KLHDC8A: variants seen among roughly 807,000 people sequenced by gnomAD.
The protein encoded by KLHDC8A is kelch domain containing 8A, also known as kelch domain-containing protein 8A.
Under a neutral mutation model 33.1 loss-of-function variants are expected in KLHDC8A, and 21 were observed. That is an observed-to-expected ratio of 0.64 (90% CI 0.45 to 0.91). The LOEUF (loss-of-function observed/expected upper bound fraction) is 0.91, where lower values mean the gene tolerates loss of function less well. Among genes scored for constraint, KLHDC8A ranks in the 40% least tolerant of loss-of-function variants. KLHDC8A has a pLI of 0.00. For synonymous variants in KLHDC8A, 173 were observed against 193.5 expected (o/e 0.89, Z 0.88); for missense variants, 435 against 483.3 (o/e 0.90, Z 0.94).
chr1:205,339,497 C>T lies in KLHDC8A; in HGVS notation c.542-88G>A. On this transcript the variant is annotated intron_variant, in intron 3 of 5. Transcript: ENST00000367155. This position sits in a 1 kb window ranked among gnomAD's most constrained non-coding sequence, Gnocchi z 5.1. ...AAAGGGTTTCCCCTTTTGACAGTTA[C>T]TCATTCATACAGGAAGCTCCCGGTG... 1.4e-6 allele frequency: 2 copies of T among 1,433,816 alleles called. No individual in the cohort carries two copies. The highest frequency in any genetic ancestry group is 1.2e-5 in the South Asian group (1 of 81,030). 88.8% of individuals were successfully genotyped at this position (1,433,816 alleles called of 1,614,324 possible). A position where few individuals can be genotyped will look rare whatever the true frequency, so the allele number is the denominator to read the frequency against.
intron 1 of KLHDC8A, among the ~76,000 whole-genome samples, chr1:205,354,848 T>G (rs1394217303): frequency 6.6e-6 from 1 of 152,250 alleles, no homozygotes; most frequent in African/African-American, 2.4e-5. Context: ...AGTCAGGCAT[T>G]GCACTTGATA....
At chr1:205,343,900 G>T in intron 1 of KLHDC8A, 107 bp from the exon 2 acceptor site, 1 of 385,378 alleles carries the variant, frequency 2.6e-6, no homozygotes, top group East Asian at 5.1e-5. Flanking sequence ...AAGACGCGGC[G>T]GCGGAGGGCG....
At chr1:205,350,897 CCTT>C (rs1288461024) in intron 1 of KLHDC8A, among the ~76,000 whole-genome samples, 1 of 152,164 alleles carries the variant, frequency 6.6e-6, no homozygotes, top group Non-Finnish European at 1.5e-5. Context: ...AGCTGGCTCT[CCTT>C]CTGGCAGGCT....
chr1:205,353,916 C>T (rs998269658), intron 1 of KLHDC8A, among the ~76,000 whole-genome samples: 1 of 152,194 alleles, frequency 6.6e-6, no homozygotes, highest in Non-Finnish European at 1.5e-5. Flanking sequence ...GGAAACTCAC[C>T]AAAGCTATTA....
intron 1 of KLHDC8A, chr1:205,351,582 A>G (rs145063643): frequency 0.02 from 10,084 of 513,932 alleles, 251 homozygotes; most frequent in African/African-American, 0.055. Flanking sequence ...ACTTTTTGTT[A>G]AATAAACTTC....
Position 205,343,757 on chromosome 1 carries a change from C to A in KLHDC8A, c.-153G>T. 1 of 845,954 alleles carries A rather than the reference C, an allele frequency of 1.2e-6. No homozygotes were observed. Among genetic ancestry groups the A allele is most frequent in the Non-Finnish European group, 1.8e-6 (1 of 571,300 alleles). 52.4% of individuals were successfully genotyped at this position (845,954 alleles called of 1,614,324 possible). On this transcript the variant is annotated 5_prime_UTR_variant, in exon 2 of 6. Transcript: ENST00000367155. ...ACCCCGGCCAGTGCTTCACCGTGCC[C>A]CGAGTCTCAGCGGTCCGGCGGCGTC...
chr1:205,343,696 AC>A lies in KLHDC8A; in HGVS notation c.-93del. 7.4e-7 allele frequency: 1 copy of A among 1,355,486 alleles called. No individual in the cohort carries two copies. The highest frequency in any genetic ancestry group is 9.8e-7 in the Non-Finnish European group (1 of 1,017,932). 84.0% of individuals were successfully genotyped at this position (1,355,486 alleles called of 1,614,324 possible). On this transcript the variant is annotated 5_prime_UTR_variant, in exon 2 of 6. An upstream open reading frame in the 5' UTR gains an earlier in-frame stop. Transcript: ENST00000367155. Reference sequence around the variant, plus strand: ...GCCGGCTCCCACGGCCCCTATCGCCACCTCCATCTGGCTCCCGAGCGCCGGA... The same window carrying A: ...GCCGGCTCCCACGGCCCCTATCGCCACTCCATCTGGCTCCCGAGCGCCGGA...
At chr1:205,337,616 C>A (rs1243004763) in intron 5 of KLHDC8A, 24 bp from the exon 6 acceptor site, 2 of 1,581,186 alleles carry the variant, frequency 1.3e-6, no homozygotes, top group Admixed American at 1.7e-5. Flanking sequence ...GGGAATCAGA[C>A]CTTACAAAGG....
Position 205,356,748 on chromosome 1 carries a change from G to C in KLHDC8A, c.-405C>G. ...TGGCTGATCGACTGGGATGCAGCCA[G>C]GCCCCTATGCACAGGGCATGGGGCC... On this transcript the variant is annotated 5_prime_UTR_variant, in exon 1 of 6. Coordinates refer to ENST00000367155, the MANE Select transcript of KLHDC8A (RefSeq NM_018203.3). The C allele has an allele frequency of 2.7e-6, 1 of 374,384 alleles. No individual in the cohort carries two copies. The highest frequency in any genetic ancestry group is 5.4e-6 in the Non-Finnish European group (1 of 186,552). The allele number at this position is 374,384 out of a possible 1,614,324, so 23.2% of individuals were successfully genotyped here.
chr1:205,343,949 C>T (rs1662871998), intron 1 of KLHDC8A, among the ~76,000 whole-genome samples, 156 bp from the exon 2 acceptor site: 1 of 152,196 alleles, frequency 6.6e-6, no homozygotes, highest in East Asian at 1.9e-4. Flanking sequence ...CTGCTTGGTC[C>T]CCGCCCCCTC....
intron 1 of KLHDC8A, among the ~76,000 whole-genome samples, chr1:205,349,582 G>T (rs570672432): frequency 6.6e-6 from 1 of 152,228 alleles, no homozygotes; most frequent in Non-Finnish European, 1.5e-5. Flanking sequence ...TGTTTAGTGC[G>T]TGCGGGAAGG....
rs1662748349 is a variant in KLHDC8A, at chr1:205,339,990, C to T, written c.377-182G>A. 1 of 412,976 alleles carries T rather than the reference C, an allele frequency of 2.4e-6. No homozygotes were observed. Among genetic ancestry groups the T allele is most frequent in the Non-Finnish European group, 4.3e-6 (1 of 234,428 alleles). 25.6% of individuals were successfully genotyped at this position (412,976 alleles called of 1,614,324 possible). A position where few individuals can be genotyped will look rare whatever the true frequency, so the allele number is the denominator to read the frequency against. On this transcript the variant is annotated intron_variant, in intron 2 of 5. Transcript: ENST00000367155. This position sits in a 1 kb window ranked among gnomAD's most constrained non-coding sequence, Gnocchi z 5.1. The stretch of plus-strand genomic sequence containing the variant: ...AAAGAAGTTCCTGCTATAGCTAAGC[C>T]TGAGAGTCTGTTTCTTTTTTTTTAT...
intron 2 of KLHDC8A, among the ~76,000 whole-genome samples, chr1:205,341,270 G>A (rs966748748): frequency 3.9e-5 from 6 of 152,094 alleles, no homozygotes; most frequent in African/African-American, 1.2e-4. Context: ...CCAGCAGCCA[G>A]TCCTCAATGC....
rs3210952 is a variant in KLHDC8A at position 205,337,462 on chromosome 1, G to T, written c.990C>A (p.Ala330=). ...SSIVVKNCLL[A]VGGVNQGLSD... is the part of the protein sequence containing the mutation. ...TCAGACCCTGGTTGACACCTCCCAC[G>T]GCGAGGAGGCAGTTCTTGACGACTA... The change falls in exon 6 of 6, where the codon GCC becomes GCA. Residue 330 remains alanine, a synonymous_variant. Coordinates refer to ENST00000367155, the MANE Select transcript of KLHDC8A (RefSeq NM_018203.3). The T allele has an allele frequency of 6.2e-7, 1 of 1,613,716 alleles. No homozygotes were observed.
In KLHDC8A at chr1:205,351,123, G is replaced by T. The variant is rs1038182710; in HGVS notation, c.-190+5410C>A. ...AGGAGAGAAGGGTCCACTCCCCGAAGATTCCTCTTGTTTCCACATAGAGAT... is the reference window on the plus strand; with the variant it reads ...AGGAGAGAAGGGTCCACTCCCCGAATATTCCTCTTGTTTCCACATAGAGAT... On this transcript the variant is annotated intron_variant, in intron 1 of 5. Transcript: ENST00000367155. 4 of 650,204 alleles carry T rather than the reference G, an allele frequency of 6.2e-6. No individual in the cohort carries two copies. The African/African-American group carries it at 7.2e-5, about 12-fold the overall frequency. The allele number at this position is 650,204 out of a possible 1,614,324, so 40.3% of individuals were successfully genotyped here.
intron 1 of KLHDC8A, among the ~76,000 whole-genome samples, chr1:205,347,086 C>T (rs138660463): frequency 2.6e-5 from 4 of 152,338 alleles, no homozygotes; most frequent in Admixed American, 2.6e-4. Flanking sequence ...GTCCTGGCTT[C>T]TCTCCATCTC....
Position 205,349,071 on chromosome 1 carries a change from C to T in KLHDC8A, c.-189-5278G>A, listed in dbSNP as rs375425949. Among the ~76,000 whole-genome samples, 17 of 152,300 alleles carry T rather than the reference C, an allele frequency of 1.1e-4. No homozygotes were observed. In the East Asian group the frequency reaches 3.1e-3, roughly 28 times the overall value. The stretch of plus-strand genomic sequence containing the variant: ...AGTTCCTCCCCCAGCATAGAGAAGC[C>T]TCATTAGGGCCTCCTCCCCACCAGT... On this transcript the variant is annotated intron_variant, in intron 1 of 5. Transcript: ENST00000367155.
chr1:205,352,913 A>C (rs1663157666), intron 1 of KLHDC8A, among the ~76,000 whole-genome samples: 1 of 152,190 alleles, frequency 6.6e-6, no homozygotes, highest in Non-Finnish European at 1.5e-5. Flanking sequence ...ATCACTAGGC[A>C]AGAAACAGAG....
rs955288956 is a variant in KLHDC8A at position 205,339,128 on chromosome 1, G to A, written c.757+66C>T. 3.6e-6 allele frequency: 5 copies of A among 1,376,902 alleles called. No homozygotes were observed. Among genetic ancestry groups the A allele is most frequent in the Non-Finnish European group, 4.1e-6 (4 of 976,922 alleles). 85.3% of individuals were successfully genotyped at this position (1,376,902 alleles called of 1,614,324 possible). ...TGGAAGATGGCTGGAATAGGGGTAA[G>A]GGATGGGGAGCCAGCCAGAAGGGCA... On this transcript the variant is annotated intron_variant, in intron 4 of 5. Transcript: ENST00000367155. This position sits in a 1 kb window ranked among gnomAD's most constrained non-coding sequence, Gnocchi z 5.1.
Sources: gnomAD v4.1 joint callset for allele counts (sites outside exome capture counted in the v4.1 genomes callset) on GRCh38, gnomAD v4.1.1 for gene constraint, Gnocchi (gnomAD v3.1) non-coding constraint, MANE v1.5 for transcripts, NCBI Gene and HGNC (gene_info 2026-07-23, HGNC 2026-07-21) for gene names.